The following GRID2 variants were observed in gnomAD, a reference collection of about 807,000 sequenced individuals.
GRID2 encodes glutamate ionotropic receptor delta type subunit 2.
Under a neutral mutation model 114.8 loss-of-function variants are expected in GRID2, and 33 were observed. That is an observed-to-expected ratio of 0.29 (90% CI 0.22 to 0.38). GRID2 has a LOEUF of 0.38. GRID2 is among the 10% of genes least tolerant of loss of function. GRID2 has a pLI of 1.00. For synonymous variants in GRID2, 505 were observed against 449.9 expected (o/e 1.12, Z -1.55); for missense variants, 1,184 against 1,257.7 (o/e 0.94, Z 0.89).
At chr4:92,989,313 A>AATC (rs1754720954) in intron 2 of GRID2, among the ~76,000 whole-genome samples, 1 of 150,180 alleles carries the variant, frequency 6.7e-6, no homozygotes, top group Admixed American at 6.6e-5. Flanking sequence ...TAATAATAAT[A>AATC]ATCCCATAGC....
chr4:92,915,320 A>G (rs1748696407), intron 2 of GRID2, among the ~76,000 whole-genome samples: 1 of 152,174 alleles, frequency 6.6e-6, no homozygotes, highest in Non-Finnish European at 1.5e-5. Context: ...CAAAACATCT[A>G]GATGTCTATG....
chr4:92,846,332 C>T (rs1578294516), intron 2 of GRID2, among the ~76,000 whole-genome samples: 1 of 152,036 alleles, frequency 6.6e-6, no homozygotes, highest in African/African-American at 2.4e-5. Flanking sequence ...TCTCTCCTCC[C>T]TCTGGCAGTC....
intron 1 of GRID2, among the ~76,000 whole-genome samples, chr4:92,530,444 T>A (rs917424209): frequency 7.1e-6 from 1 of 141,294 alleles, no homozygotes; most frequent in African/African-American, 2.7e-5. Flanking sequence ...TACCAACTTA[T>A]GGAAAATAGT....
intron 2 of GRID2, among the ~76,000 whole-genome samples, chr4:93,080,519 C>T (rs1578931083): frequency 6.6e-6 from 1 of 152,216 alleles, no homozygotes; most frequent in Non-Finnish European, 1.5e-5. Flanking sequence ...AATGCAAATA[C>T]ATGACTACCA....
At chr4:92,402,569 A>G (rs1378132297) in intron 1 of GRID2, among the ~76,000 whole-genome samples, 1 of 152,172 alleles carries the variant, frequency 6.6e-6, no homozygotes, top group Admixed American at 6.5e-5. Flanking sequence ...TCCACTGCAA[A>G]TGAGTACTAA....
intron 14 of GRID2, among the ~76,000 whole-genome samples, chr4:93,687,226 G>A (rs1367546507): frequency 6.6e-6 from 1 of 151,978 alleles, no homozygotes; most frequent in Admixed American, 6.6e-5. Context: ...CCAGAAAGAT[G>A]GAGTACCATC....
chr4:92,642,513 C>T (rs909674082), intron 2 of GRID2, among the ~76,000 whole-genome samples: 8 of 151,704 alleles, frequency 5.3e-5, no homozygotes, highest in African/African-American at 1.2e-4. Flanking sequence ...TTGAGTTCTT[C>T]GTTGATTCCG....
intron 4 of GRID2, among the ~76,000 whole-genome samples, chr4:93,195,786 T>G (rs532722821): frequency 6.6e-6 from 1 of 152,288 alleles, no homozygotes; most frequent in South Asian, 2.1e-4. Flanking sequence ...GACATATAAA[T>G]GGCATTCAGA....
chr4:93,001,605 TAC>T (rs1720994417), intron 2 of GRID2, among the ~76,000 whole-genome samples: 1 of 151,742 alleles, frequency 6.6e-6, no homozygotes. Flanking sequence ...GTGAAAACTA[TAC>T]AAAGTATTTA....
chr4:93,022,484 G>T (rs1292205559), intron 2 of GRID2, among the ~76,000 whole-genome samples: 1 of 151,808 alleles, frequency 6.6e-6, no homozygotes, highest in Non-Finnish European at 1.5e-5. Context: ...GAACAATGTT[G>T]TAATGAATGT....
intron 8 of GRID2, among the ~76,000 whole-genome samples, chr4:93,260,089 T>C (rs1051100844): frequency 1.3e-5 from 2 of 151,734 alleles, no homozygotes; most frequent in Admixed American, 6.6e-5. Flanking sequence ...GAATTGTGAT[T>C]TTATTACATA....
chr4:92,525,030 ATTTTT>A (rs1190266775), intron 1 of GRID2, among the ~76,000 whole-genome samples: 1 of 151,968 alleles, frequency 6.6e-6, no homozygotes, highest in African/African-American at 2.4e-5. Context: ...ATGAGAGAGT[ATTTTT>A]TATACTCTCT....
chr4:93,561,564 T>A (rs1298354414), intron 13 of GRID2, among the ~76,000 whole-genome samples: 2 of 152,156 alleles, frequency 1.3e-5, no homozygotes, highest in Non-Finnish European at 2.9e-5. Flanking sequence ...CCACAGTTCA[T>A]GTTAGGGTTC....
intron 11 of GRID2, among the ~76,000 whole-genome samples, chr4:93,460,537 C>T (rs1357494018): frequency 6.6e-6 from 1 of 152,152 alleles, no homozygotes; most frequent in Non-Finnish European, 1.5e-5. Flanking sequence ...CTATACTCCT[C>T]AACATGTATT....
At chr4:93,463,137 A>G (rs1723910824) in intron 11 of GRID2, among the ~76,000 whole-genome samples, 2 of 152,184 alleles carry the variant, frequency 1.3e-5, no homozygotes, top group South Asian at 4.1e-4. Context: ...CCCCATGCTG[A>G]TTTAAAACAT....
At chr4:92,411,625 A>G (rs531914097) in intron 1 of GRID2, among the ~76,000 whole-genome samples, 3,253 of 105,524 alleles carry the variant, frequency 0.031, 148 homozygotes, top group African/African-American at 0.086. Context: ...ATATATATGC[A>G]TGTGTGTGTG....
intron 2 of GRID2, among the ~76,000 whole-genome samples, chr4:92,981,203 A>G (rs950705529): frequency 2.0e-5 from 3 of 151,914 alleles, no homozygotes; most frequent in African/African-American, 7.2e-5. Context: ...AATTATACCT[A>G]TATATATGTG....
intron 14 of GRID2, among the ~76,000 whole-genome samples, chr4:93,679,629 C>G (rs553486427): frequency 1.3e-5 from 2 of 151,070 alleles, no homozygotes; most frequent in South Asian, 4.2e-4. Context: ...GAAACTCACT[C>G]AAAACCGCTC....
chr4:93,054,673 A>G (rs1017737870), intron 2 of GRID2, among the ~76,000 whole-genome samples: 4 of 151,950 alleles, frequency 2.6e-5, no homozygotes, highest in African/African-American at 9.7e-5. Context: ...CTGCTTTGGT[A>G]GAGTCTCTTC....
Sources: gnomAD v4.1 joint callset for allele counts (sites outside exome capture counted in the v4.1 genomes callset) on GRCh38, gnomAD v4.1.1 for gene constraint, MANE v1.5 for transcripts, NCBI Gene and HGNC (gene_info 2026-07-23, HGNC 2026-07-21) for gene names.